The following L1TD1 variants were observed in gnomAD, a reference collection of about 807,000 sequenced individuals.
L1TD1 encodes the protein LINE-1 type transposase domain-containing protein 1.
A neutral mutation model predicts 25.7 loss-of-function variants in L1TD1; 26 were observed. That is an observed-to-expected ratio of 1.01 (90% CI 0.74 to 1.40). The LOEUF (loss-of-function observed/expected upper bound fraction) is 1.40. Among genes scored for constraint, L1TD1 ranks in the 40% most tolerant of loss-of-function variants. L1TD1 has a pLI of 0.00. For synonymous variants in L1TD1, 421 were observed against 335.6 expected (o/e 1.25, Z -2.78); for missense variants, 1,130 against 975.0 (o/e 1.16, Z -2.12).
intron 2 of L1TD1, among the ~76,000 whole-genome samples, chr1:62,204,738 G>T (rs1570925876): frequency 6.6e-6 from 1 of 152,008 alleles, no homozygotes; most frequent in South Asian, 2.1e-4. Context: ...TATATCTTTT[G>T]CCCTGACAAG....
intron 2 of L1TD1, among the ~76,000 whole-genome samples, chr1:62,199,067 C>CGA (rs1404651431): frequency 1.3e-5 from 2 of 152,208 alleles, no homozygotes; most frequent in Non-Finnish European, 2.9e-5. Context: ...GTACCAGCCT[C>CGA]TGCTTTCTTC....
rs536510628 is a variant in L1TD1, at chr1:62,208,248, C to CT, written c.1008+615dup. 953 of 153,122 alleles carry CT rather than the reference C, an allele frequency of 6.2e-3. 7 individuals are homozygous for CT. The highest frequency in any genetic ancestry group is 0.01 in the Non-Finnish European group (717 of 68,520). 9.5% of individuals were successfully genotyped at this position (153,122 alleles called of 1,614,324 possible). ...TGATGAACTTGAGGGCCTGTTTGTC[C>CT]TTTGAGACCTTGAACAACTCCGTGG... is the stretch of plus-strand genomic sequence containing the variant. On this transcript the variant is annotated intron_variant, in intron 3 of 3. Coordinates refer to ENST00000498273, the MANE Select transcript of L1TD1 (RefSeq NM_019079.5).
rs1447667211 is a variant in L1TD1 at position 62,205,441 on chromosome 1, A to ATTTTTTTTTTTT, written c.-110-1077_-110-1076insTTTTTTTTTTTT. Among the ~76,000 whole-genome samples the ATTTTTTTTTTTT allele has an allele frequency of 7.1e-4, 38 of 53,838 alleles. 2 individuals carry two copies. Among genetic ancestry groups the ATTTTTTTTTTTT allele is most frequent in the African/African-American group, 1.1e-3 (17 of 15,872 alleles). The allele number at this position is 53,838 out of a possible 152,430, so 35.3% of individuals were successfully genotyped here. A position where few individuals can be genotyped will look rare whatever the true frequency, so the allele number is the denominator to read the frequency against. ...TCTATATATATATATATATATATAT[A>ATTTTTTTTTTTT]TATTTTTTTTTAGACAGTCTTGCTG... On this transcript the variant is annotated intron_variant, in intron 2 of 3. Transcript: ENST00000498273.
intron 2 of L1TD1, among the ~76,000 whole-genome samples, chr1:62,205,476 G>C (rs1167586794): frequency 3.2e-5 from 4 of 124,558 alleles, no homozygotes; most frequent in Non-Finnish European, 6.5e-5. Context: ...GTGTTGCCCA[G>C]CCTGCAGTTC....
intron 2 of L1TD1, among the ~76,000 whole-genome samples, chr1:62,199,945 T>C (rs960981342): frequency 2.0e-5 from 3 of 152,200 alleles, no homozygotes; most frequent in Admixed American, 6.5e-5. Context: ...TCTTTTTGTG[T>C]TTACTGTACA....
intron 2 of L1TD1, among the ~76,000 whole-genome samples, chr1:62,200,825 C>G (rs1415534373): frequency 6.6e-6 from 1 of 152,040 alleles, no homozygotes; most frequent in African/African-American, 2.4e-5. Context: ...ATTATGTACT[C>G]AACTCCTGGG....
chr1:62,206,500 T>C lies in L1TD1; in HGVS notation c.-110-19T>C. 1 of 974,980 alleles carries C rather than the reference T, an allele frequency of 1.0e-6. No individual in the cohort carries two copies. Among genetic ancestry groups the C allele is most frequent in the African/African-American group, 1.7e-5 (1 of 60,378 alleles). The allele number at this position is 974,980 out of a possible 1,614,324, so 60.4% of individuals were successfully genotyped here. A position where few individuals can be genotyped will look rare whatever the true frequency, so the allele number is the denominator to read the frequency against. ...AGAGAATTCTTTAGTAAGTAATTTT[T>C]CATTTTTTTGTATTTCAGATTGACG... is the stretch of plus-strand genomic sequence containing the variant. On this transcript the variant is annotated intron_variant, in intron 2 of 3. Coordinates refer to ENST00000498273, the MANE Select transcript of L1TD1 (RefSeq NM_019079.5).
In L1TD1 at chr1:62,203,058, G is replaced by A. The variant is rs185442470; in HGVS notation, c.-110-3461G>A. Among the ~76,000 whole-genome samples, 80 of 152,178 alleles carry A rather than the reference G, an allele frequency of 5.3e-4. 1 individual carries two copies. The highest frequency in any genetic ancestry group is 7.8e-4 in the Non-Finnish European group (53 of 68,012). ...GCTGGTCTCAAACTCCTGGGCTCAAGCAATCCGCTCACTCACCTCGGCCAC... is the reference window on the plus strand; with the variant it reads ...GCTGGTCTCAAACTCCTGGGCTCAAACAATCCGCTCACTCACCTCGGCCAC... On this transcript the variant is annotated intron_variant, in intron 2 of 3. Transcript: ENST00000498273.
intron 2 of L1TD1, among the ~76,000 whole-genome samples, 151 bp from the exon 3 acceptor site, chr1:62,206,368 A>T (rs191424208): frequency 1.1e-5 from 1 of 94,734 alleles, no homozygotes; most frequent in South Asian, 3.1e-4. Flanking sequence ...TTTGAATTCT[A>T]ATTTTCTAAT....
intron 2 of L1TD1, among the ~76,000 whole-genome samples, chr1:62,204,652 C>T (rs913138009): frequency 1.3e-5 from 2 of 152,126 alleles, no homozygotes; most frequent in South Asian, 2.1e-4. Context: ...AATCATTCCA[C>T]CTTAACCTCC....
rs778103879 is a variant in L1TD1 at position 62,210,431 on chromosome 1, TTA to T, written c.1659_1660del (p.Cys554PhefsTer13). 1.2e-6 allele frequency: 2 copies of T among 1,614,180 alleles called. No homozygotes were observed. Among genetic ancestry groups the T allele is most frequent in the Admixed American group, 3.3e-5 (2 of 60,020 alleles). The stretch of plus-strand genomic sequence containing the variant: ...AGGAACTGGCACACCCTGTCTGACC[TTA>T]TGTTTGGCCTCTCCCTCAAAGTCAC... ...SQGTGTPCLT[L>X]CLASPSKSLE... On this transcript the variant is annotated frameshift_variant, in exon 4 of 4. Transcript: ENST00000498273. LOFTEE classifies it low-confidence loss of function (END_TRUNC).
In L1TD1 at chr1:62,206,730, T is replaced by C. The variant is rs1433061121; in HGVS notation, c.102T>C (p.Asp34=). 6.5e-7 allele frequency: 1 copy of C among 1,543,336 alleles called. No individual in the cohort carries two copies. Among genetic ancestry groups the C allele is most frequent in the Middle Eastern group, 1.7e-4 (1 of 5,960 alleles). The change falls in exon 3 of 4, where the codon GAT becomes GAC. Residue 34 remains aspartate (D), a synonymous_variant. Coordinates refer to ENST00000498273, the MANE Select transcript of L1TD1 (RefSeq NM_019079.5). ...YMKREQLTET[D]KDIAPVLDLK... Reference sequence around the variant, plus strand: ...AAAGAGAGCAGTTAACAGAAACTGATAAGGACATAGCTCCGGTATTAGATT... The same window carrying C: ...AAAGAGAGCAGTTAACAGAAACTGACAAGGACATAGCTCCGGTATTAGATT...
chr1:62,200,893 T>C (rs1010557457), intron 2 of L1TD1, among the ~76,000 whole-genome samples: 3 of 152,128 alleles, frequency 2.0e-5, no homozygotes, highest in African/African-American at 7.2e-5. Context: ...TAAAAATATT[T>C]TATTTAGTTT....
rs1670756750 is a variant in L1TD1 at position 62,206,875 on chromosome 1, G to A, written c.247G>A (p.Gly83Arg). 1 of 1,613,244 alleles carries A rather than the reference G, an allele frequency of 6.2e-7. No individual in the cohort carries two copies. Among genetic ancestry groups the A allele is most frequent in the Non-Finnish European group, 8.5e-7 (1 of 1,179,740 alleles). The change falls in exon 3 of 4, where the codon GGA (glycine) becomes AGA (arginine). Residue 83 changes from glycine (G) to arginine (R), a missense_variant. Coordinates refer to ENST00000498273, the MANE Select transcript of L1TD1 (RefSeq NM_019079.5). ...LKNDLKAVLG[G>R]KATIPEVKNS... ...AAATGACCTAAAAGCAGTTTTAGGG[G>A]GAAAAGCTACAATACCTGAGGTAAA...
In L1TD1 at chr1:62,210,494, C is replaced by T. The variant is rs1408433031; in HGVS notation, c.1720C>T (p.His574Tyr). The T allele has an allele frequency of 5.0e-6, 8 of 1,614,008 alleles. No homozygotes were observed. Among genetic ancestry groups the T allele is most frequent in the Non-Finnish European group, 5.9e-6 (7 of 1,179,992 alleles). Residue 574 changes from histidine (H) to tyrosine (Y), a missense_variant, in exon 4 of 4, where the codon CAT (histidine) becomes TAT (tyrosine). By Grantham distance (83) the His-to-Tyr change is moderately conservative. Coordinates refer to ENST00000498273, the MANE Select transcript of L1TD1 (RefSeq NM_019079.5). Reference protein sequence around the residue: ...MSHDEHKKHSHTNLSISTGVT... With the variant: ...MSHDEHKKHSYTNLSISTGVT... Reference sequence around the variant, plus strand: ...TCATGATGAGCATAAAAAGCATTCACATACAAATTTGAGTATTTCAACAGG... The same window carrying T: ...TCATGATGAGCATAAAAAGCATTCATATACAAATTTGAGTATTTCAACAGG...
chr1:62,201,354 C>G (rs1304925616), intron 2 of L1TD1, among the ~76,000 whole-genome samples: 1 of 151,870 alleles, frequency 6.6e-6, no homozygotes. Context: ...CTTGGCAAGT[C>G]AAGTAGAAGT....
chr1:62,211,402 T>C lies in L1TD1; in HGVS notation c.*30T>C. Reference sequence around the variant, plus strand: ...CCAGGGTGACTACAAACAATATGCTTTCCTCCCCCAGCATGCATCCAAAAA... The same window carrying C: ...CCAGGGTGACTACAAACAATATGCTCTCCTCCCCCAGCATGCATCCAAAAA... On this transcript the variant is annotated 3_prime_UTR_variant, in exon 4 of 4. Coordinates refer to ENST00000498273, the MANE Select transcript of L1TD1 (RefSeq NM_019079.5). 6.5e-7 allele frequency: 1 copy of C among 1,537,528 alleles called. No individual in the cohort carries two copies. The highest frequency in any genetic ancestry group is 2.0e-4 in the Middle Eastern group (1 of 5,010).
chr1:62,211,357 GAAT>G lies in L1TD1; in HGVS notation c.2588_2590del (p.Asn863del). Reference sequence around the variant, plus strand: ...TGCCCACCTTGAGAGAATTACTGGGGAATAATATACCTTAGCACGCCAGGGTGA... The same window carrying G: ...TGCCCACCTTGAGAGAATTACTGGGGAATATACCTTAGCACGCCAGGGTGA... On this transcript the variant is annotated inframe_deletion, in exon 4 of 4. Transcript: ENST00000498273. 1 of 1,605,538 alleles carries G rather than the reference GAAT, an allele frequency of 6.2e-7. No homozygotes were observed. Among genetic ancestry groups the G allele is most frequent in the Non-Finnish European group, 8.5e-7 (1 of 1,176,156 alleles).
rs911814595 is a variant in L1TD1 at position 62,211,506 on chromosome 1, A to C, written c.*134A>C. On this transcript the variant is annotated 3_prime_UTR_variant, in exon 4 of 4. Transcript: ENST00000498273. ...CGTACTTGGGGATGAGGAGCAAGGA[A>C]TATTACAGATATTACCTAGATGTTA... 4.4e-6 allele frequency: 6 copies of C among 1,377,274 alleles called. No homozygotes were observed. The highest frequency in any genetic ancestry group is 5.8e-6 in the Non-Finnish European group (6 of 1,033,988). 85.3% of individuals were successfully genotyped at this position (1,377,274 alleles called of 1,614,324 possible).
Sources: allele counts gnomAD v4.1 joint callset (sites outside exome capture counted in the v4.1 genomes callset), GRCh38; gene constraint gnomAD v4.1.1; transcripts MANE v1.5; gene names NCBI Gene and HGNC (gene_info 2026-07-23, HGNC 2026-07-21).